PRKAB1: variants seen among roughly 807,000 people sequenced by gnomAD.
PRKAB1 encodes the protein protein kinase AMP-activated non-catalytic subunit beta 1.
In PRKAB1, 18 loss-of-function variants were observed where a neutral mutation model predicts 32.0. That is an observed-to-expected ratio of 0.56 (90% confidence interval 0.39 to 0.83). The LOEUF (loss-of-function observed/expected upper bound fraction) is 0.83. PRKAB1 is among the 40% of genes least tolerant of loss of function. The pLI is 0.00. For synonymous variants in PRKAB1, 141 were observed against 141.4 expected (o/e 1.00, Z 0.02); for missense variants, 263 against 352.6 (o/e 0.75, Z 2.03).
chr12:119,674,149 G>A lies in PRKAB1; in HGVS notation c.417+92G>A. The A allele has an allele frequency of 8.0e-7, 1 of 1,257,306 alleles. No individual in the cohort carries two copies. The highest frequency in any genetic ancestry group is 1.1e-6 in the Non-Finnish European group (1 of 879,184). 77.9% of individuals were successfully genotyped at this position (1,257,306 alleles called of 1,614,324 possible). ...GATTGCCGCTAGGTCCCTTTGCCCA[G>A]CTAGTAAAAGTCCCCGTGTGTGGCA... On this transcript the variant is annotated intron_variant, in intron 3 of 6. Transcript: ENST00000229328. This position sits in a 1 kb window ranked among gnomAD's most constrained non-coding sequence, Gnocchi z 4.3.
At chr12:119,676,405 C>T (rs888132508) in intron 4 of PRKAB1, 132 bp from the exon 5 acceptor site, 23 of 1,159,958 alleles carry the variant, frequency 2.0e-5, no homozygotes, top group Non-Finnish European at 2.8e-5. Flanking sequence ...GGAACCAGTG[C>T]ATCCTTCAAG....
chr12:119,672,908 T>C (rs1051298032), intron 2 of PRKAB1, among the ~76,000 whole-genome samples: 5 of 152,152 alleles, frequency 3.3e-5, no homozygotes, highest in Non-Finnish European at 5.9e-5. Flanking sequence ...TTCATCTAAC[T>C]TTGACTCTGC....
intron 5 of PRKAB1, chr12:119,677,520 G>A (rs1955434025): frequency 1.3e-5 from 2 of 152,354 alleles, no homozygotes; most frequent in Non-Finnish European, 1.5e-5. Flanking sequence ...CAGCTGGGTA[G>A]CCATCCTGGT....
At chr12:119,676,781 C>A in intron 5 of PRKAB1, 111 bp downstream of exon 5, 1 of 1,387,908 alleles carries the variant, frequency 7.2e-7, no homozygotes, top group East Asian at 2.4e-5. Flanking sequence ...AGTGTCACCC[C>A]CTAGTGTGAA....
chr12:119,676,504 T>G, intron 4 of PRKAB1, 33 bp from the exon 5 acceptor site: 1 of 1,561,566 alleles, frequency 6.4e-7, no homozygotes, highest in South Asian at 1.2e-5. Flanking sequence ...TGCCTGATTT[T>G]CAAAGTAAAG....
intron 2 of PRKAB1, chr12:119,673,739 G>A: frequency 2.4e-6 from 1 of 421,364 alleles, no homozygotes; most frequent in East Asian, 3.9e-5. Context: ...CCTGGTATTT[G>A]AGTAAGGTGA....
In PRKAB1 at chr12:119,681,070, C is replaced by G. The variant is rs547884085; in HGVS notation, c.*745C>G. The G allele has an allele frequency of 6.6e-6, 1 of 152,662 alleles. No individual in the cohort carries two copies. Among genetic ancestry groups the G allele is most frequent in the South Asian group, 2.1e-4 (1 of 4,822 alleles). 9.5% of individuals were successfully genotyped at this position (152,662 alleles called of 1,614,324 possible). A position where few individuals can be genotyped will look rare whatever the true frequency, so the allele number is the denominator to read the frequency against. Reference sequence around the variant, plus strand: ...CAGAACAGACTTTTCAACCTGCTGCCGGATTTCTCCATTCAGCTGGATGAT... The same window carrying G: ...CAGAACAGACTTTTCAACCTGCTGCGGGATTTCTCCATTCAGCTGGATGAT... On this transcript the variant is annotated 3_prime_UTR_variant, in exon 7 of 7. Transcript: ENST00000229328.
intron 1 of PRKAB1, among the ~76,000 whole-genome samples, chr12:119,668,613 C>T (rs1167959853): frequency 6.6e-6 from 1 of 152,196 alleles, no homozygotes; most frequent in Non-Finnish European, 1.5e-5. Context: ...GAAAGTCACC[C>T]TGAGGGAGGA....
intron 2 of PRKAB1, among the ~76,000 whole-genome samples, chr12:119,672,990 G>T (rs1001911033): frequency 1.2e-4 from 19 of 152,196 alleles, no homozygotes; most frequent in Non-Finnish European, 2.5e-4. Flanking sequence ...GCACTTTTGG[G>T]GGCTGAGGCA....
At chr12:119,678,689 A>G (rs278151) in intron 5 of PRKAB1, 54,953 of 152,166 alleles carry the variant, frequency 0.36, 11,210 homozygotes, top group African/African-American at 0.55. Flanking sequence ...ACAGATGACA[A>G]GATTCCTTTT....
At position 119,674,426 on chromosome 12, in the gene PRKAB1, G is replaced by T; in HGVS notation, c.504G>T (p.Val168=). The T allele has an allele frequency of 6.2e-7, 1 of 1,613,962 alleles. No individual in the cohort carries two copies. Among genetic ancestry groups the T allele is most frequent in the Non-Finnish European group, 8.5e-7 (1 of 1,179,828 alleles). Residue 168 remains valine, a synonymous_variant, in exon 4 of 7, where the codon GTG becomes GTT. Transcript: ENST00000229328. The surrounding 1 kb of genome is among the most constrained non-coding windows in gnomAD (Gnocchi z 4.3). ...TDFEVFDALM[V]DSQKCSDVSE... Reference sequence around the variant, plus strand: ...TTGAAGTATTTGATGCTTTAATGGTGGATTCCCAAAAGTGCTCCGATGTGT... The same window carrying T: ...TTGAAGTATTTGATGCTTTAATGGTTGATTCCCAAAAGTGCTCCGATGTGT...
intron 2 of PRKAB1, 45 bp downstream of exon 2, chr12:119,672,509 C>G: frequency 1.4e-6 from 2 of 1,443,328 alleles, no homozygotes; most frequent in Non-Finnish European, 1.8e-6. Flanking sequence ...AACATAAATT[C>G]TCTTCTTTCT....
Position 119,676,632 on chromosome 12 carries a change from C to T in PRKAB1, c.628C>T (p.Leu210Phe). 1.2e-6 allele frequency: 2 copies of T among 1,613,938 alleles called. No individual in the cohort carries two copies. Residue 210 changes from leucine to phenylalanine, a missense_variant, in exon 5 of 7, where the codon CTC becomes TTC. Physicochemically the swap from Leu to Phe is conservative, Grantham distance 22. Transcript: ENST00000229328. Reference protein sequence around the residue: ...FRAPPILPPHLLQVILNKDTG... With the variant: ...FRAPPILPPHFLQVILNKDTG... ...GGCACCCCCTATTCTCCCCCCACAT[C>T]TCCTCCAGGTCATCCTGAACAAGGA...
intron 4 of PRKAB1, among the ~76,000 whole-genome samples, chr12:119,675,247 C>T (rs1328657518): frequency 1.3e-5 from 2 of 152,194 alleles, no homozygotes; most frequent in African/African-American, 2.4e-5. Context: ...AGATTCCGTT[C>T]GTTGACAGGA....
chr12:119,674,536 C>A lies in PRKAB1; in HGVS notation c.532+82C>A. ...ACATACTCTTGTTTCTCTTGCCTCT[C>A]TTGAGCTGAAGCTGCCCAGTCAGAT... On this transcript the variant is annotated intron_variant, in intron 4 of 6. Transcript: ENST00000229328. The surrounding 1 kb of genome is among the most constrained non-coding windows in gnomAD (Gnocchi z 4.3). 1.9e-6 allele frequency: 2 copies of A among 1,044,970 alleles called. No individual in the cohort carries two copies. The highest frequency in any genetic ancestry group is 2.8e-6 in the Non-Finnish European group (2 of 707,738). The allele number at this position is 1,044,970 out of a possible 1,614,324, so 64.7% of individuals were successfully genotyped here. A position where few individuals can be genotyped will look rare whatever the true frequency, so the allele number is the denominator to read the frequency against.
intron 1 of PRKAB1, chr12:119,671,490 C>A: frequency 2.7e-6 from 1 of 375,040 alleles, no homozygotes. Flanking sequence ...GGCACCTCTT[C>A]ACAGGACGGC....
upstream of PRKAB1, chr12:119,667,997 C>T (rs1263151906): frequency 3.8e-5 from 19 of 496,812 alleles, no homozygotes; most frequent in Non-Finnish European, 5.2e-5. Context: ...GGGAAAGTGT[C>T]GGTTTATCTT....
chr12:119,668,426 C>T, intron 1 of PRKAB1, 23 bp downstream of exon 1: 1 of 1,609,954 alleles, frequency 6.2e-7, no homozygotes, highest in Non-Finnish European at 8.5e-7. Flanking sequence ...TGGAGGAACC[C>T]GATTCCCCTT....
Position 119,681,236 on chromosome 12 carries a change from G to A in PRKAB1, c.*911G>A, listed in dbSNP as rs939415897. The A allele has an allele frequency of 6.6e-6, 1 of 152,190 alleles. No homozygotes were observed. 9.4% of individuals were successfully genotyped at this position (152,190 alleles called of 1,614,324 possible). A position where few individuals can be genotyped will look rare whatever the true frequency, so the allele number is the denominator to read the frequency against. ...ACACAGCGTGATTTTACAAGGTCCC[G>A]TGGCACCTTGCTCAGGACCTCTGCC... On this transcript the variant is annotated 3_prime_UTR_variant, in exon 7 of 7. Transcript: ENST00000229328.
Sources: gnomAD v4.1 joint callset for allele counts (sites outside exome capture counted in the v4.1 genomes callset) on GRCh38, gnomAD v4.1.1 for gene constraint, Gnocchi (gnomAD v3.1) non-coding constraint, MANE v1.5 for transcripts, NCBI Gene and HGNC (gene_info 2026-07-23, HGNC 2026-07-21) for gene names.